The following CLCN4 variants were observed in gnomAD, a reference collection of about 807,000 sequenced individuals.
CLCN4 encodes the protein Cl-/H+ antiporter 4.
Under a neutral mutation model 41.7 loss-of-function variants are expected in CLCN4, and 1 was observed. That is an observed-to-expected ratio of 0.02 (90% confidence interval 0.01 to 0.11). CLCN4 has a LOEUF of 0.11. Among genes scored for constraint, CLCN4 ranks in the 10% least tolerant of loss-of-function variants. The pLI is 1.00. For missense variants in CLCN4, 287 were observed against 661.0 expected, an observed-to-expected ratio of 0.43 and a Z score of 6.20; for synonymous variants, 277 against 285.8, an observed-to-expected ratio of 0.97 and a Z score of 0.31.
chrX:10,169,520 C>T (rs5934789), intron 2 of CLCN4, among the ~76,000 whole-genome samples: 1 of 109,401 alleles, frequency 9.1e-6, no homozygotes, highest in Non-Finnish European at 1.9e-5. Flanking sequence ...AACAAACAAA[C>T]AAAACCAGTA....
Position 10,233,888 on chromosome X carries a change from G to A in CLCN4, c.*304G>A, listed in dbSNP as rs1925184534. The A allele has an allele frequency of 1.0e-5, 2 of 194,437 alleles. No individual in the cohort carries two copies. Among genetic ancestry groups the A allele is most frequent in the Non-Finnish European group, 1.9e-5 (2 of 105,749 alleles). 16.0% of individuals were successfully genotyped at this position (194,437 alleles called of 1,213,427 possible). A position where few individuals can be genotyped will look rare whatever the true frequency, so the allele number is the denominator to read the frequency against. ...GATGTGATCTGTACAAGTATGTGGA[G>A]CATGAATGCTGACTCAAGAAACTTT... On this transcript the variant is annotated 3_prime_UTR_variant, in exon 13 of 13. Transcript: ENST00000380833.
intron 2 of CLCN4, among the ~76,000 whole-genome samples, chrX:10,165,414 G>A (rs1923223082): frequency 8.9e-6 from 1 of 112,679 alleles, no homozygotes; most frequent in African/African-American, 3.2e-5. Flanking sequence ...AGGAGAGGCT[G>A]TGGGTGGGCG....
At chrX:10,181,273 C>T (rs757574150) in intron 2 of CLCN4, among the ~76,000 whole-genome samples, 15 of 109,092 alleles carry the variant, frequency 1.4e-4, no homozygotes, top group Middle Eastern at 9.3e-3. Flanking sequence ...GCAGGAGGAT[C>T]GCTTGAGTCT....
rs1233537159 is a variant in CLCN4 at position 10,158,370 on chromosome X, G to C, written c.-193G>C. On this transcript the variant is annotated 5_prime_UTR_variant, in exon 2 of 13. Coordinates refer to ENST00000380833, the MANE Select transcript of CLCN4 (RefSeq NM_001830.4). ...TTCTGGCCATCGACCCTCACCTCCC[G>C]GGACTTCCAGGGTCTTCCCCCCACC... 1 of 294,501 alleles carries C rather than the reference G, an allele frequency of 3.4e-6. No homozygotes were observed. The highest frequency in any genetic ancestry group is 5.9e-6 in the Non-Finnish European group (1 of 168,488). The allele number at this position is 294,501 out of a possible 1,213,427, so 24.3% of individuals were successfully genotyped here.
intron 4 of CLCN4, among the ~76,000 whole-genome samples, chrX:10,188,106 A>G (rs781115016): frequency 9.0e-6 from 1 of 111,363 alleles, no homozygotes; most frequent in African/African-American, 3.3e-5. Flanking sequence ...TTTCATAGAG[A>G]TGGGGTCTCA....
At chrX:10,164,934 G>A (rs759546119) in intron 2 of CLCN4, among the ~76,000 whole-genome samples, 1 of 112,437 alleles carries the variant, frequency 8.9e-6, no homozygotes, top group Admixed American at 9.3e-5. Flanking sequence ...CAGCTTGCTT[G>A]CTGTCCTCGG....
chrX:10,212,762 GGGTTGTGTGGCTATAACA>G, intron 10 of CLCN4, 109 bp downstream of exon 10: 1 of 735,812 alleles, frequency 1.4e-6, no homozygotes, highest in Non-Finnish European at 2.0e-6. Flanking sequence ...AGGATAGGCT[GGGTTGTGTGGCTATAACA>G]AGTAAACCCC....
intron 2 of CLCN4, among the ~76,000 whole-genome samples, chrX:10,168,875 G>C (rs915725722): frequency 1.8e-5 from 2 of 110,359 alleles, no homozygotes; most frequent in Non-Finnish European, 3.8e-5. Context: ...GCTTTTCTTT[G>C]TGTCTTTCTT....
chrX:10,222,628 G>A (rs2283704), intron 12 of CLCN4, among the ~76,000 whole-genome samples: 24,065 of 110,463 alleles, frequency 0.22, 2,221 homozygotes, highest in African/African-American at 0.36. Flanking sequence ...TAAACATCCT[G>A]CAGTGAACAG....
At chrX:10,175,958 C>G in intron 2 of CLCN4, among the ~76,000 whole-genome samples, 3 of 67,751 alleles carry the variant, frequency 4.4e-5, no homozygotes, top group Non-Finnish European at 7.7e-5. Flanking sequence ...CTCTCTCTCT[C>G]TCTCTCTCTC....
intron 2 of CLCN4, among the ~76,000 whole-genome samples, chrX:10,162,732 A>T (rs1340376166): frequency 8.9e-6 from 1 of 112,686 alleles, no homozygotes; most frequent in Non-Finnish European, 1.9e-5. Flanking sequence ...AACTTAGAAA[A>T]AGGCAAATAA....
At chrX:10,158,847 A>T (rs181284329) in intron 2 of CLCN4, among the ~76,000 whole-genome samples, 223 of 113,114 alleles carry the variant, frequency 2.0e-3, no homozygotes, top group Non-Finnish European at 3.1e-3. Context: ...CCGGCGGGGG[A>T]ACAAAATCTG....
chrX:10,175,404 G>A (rs5934796), intron 2 of CLCN4, among the ~76,000 whole-genome samples: 53,848 of 109,450 alleles, frequency 0.49, 10,101 homozygotes, highest in East Asian at 0.95. Flanking sequence ...TTGCAGTGAA[G>A]CCCCCTCTGA....
At chrX:10,173,334 C>T (rs895730844) in intron 2 of CLCN4, among the ~76,000 whole-genome samples, 1 of 111,452 alleles carries the variant, frequency 9.0e-6, no homozygotes, top group Non-Finnish European at 1.9e-5. Context: ...CACCCGAGGC[C>T]GCACATTGGC....
chrX:10,173,900 C>G (rs1004672284), intron 2 of CLCN4, among the ~76,000 whole-genome samples: 2 of 112,310 alleles, frequency 1.8e-5, no homozygotes, highest in African/African-American at 6.5e-5. Flanking sequence ...TGTTTGTTTT[C>G]TAGCTGTCTC....
intron 11 of CLCN4, among the ~76,000 whole-genome samples, chrX:10,215,624 T>C (rs1014368695): frequency 5.1e-4 from 57 of 111,780 alleles, no homozygotes; most frequent in African/African-American, 1.7e-3. Flanking sequence ...TTCCCTAGGA[T>C]CTTTTAAGCA....
intron 7 of CLCN4, 53 bp downstream of exon 7, chrX:10,206,617 C>T (rs968698409): frequency 2.9e-5 from 34 of 1,191,621 alleles, no homozygotes; most frequent in South Asian, 1.4e-4. Context: ...AAAGCCCCCT[C>T]CTGCTGTCTG....
intron 4 of CLCN4, among the ~76,000 whole-genome samples, chrX:10,192,725 A>C (rs1923999704): frequency 8.9e-6 from 1 of 112,329 alleles, no homozygotes; most frequent in Admixed American, 9.4e-5. Context: ...TGGAGAGGCC[A>C]TGAATGGGGC....
chrX:10,165,236 A>G (rs1198693724), intron 2 of CLCN4, among the ~76,000 whole-genome samples: 2 of 112,918 alleles, frequency 1.8e-5, no homozygotes, highest in Non-Finnish European at 3.8e-5. Context: ...CTCGTATTCA[A>G]CAGAGAGCCT....
Sources: gnomAD v4.1 joint callset for allele counts (sites outside exome capture counted in the v4.1 genomes callset) on GRCh38, gnomAD v4.1.1 for gene constraint, MANE v1.5 for transcripts, NCBI Gene and HGNC (gene_info 2026-07-23, HGNC 2026-07-21) for gene names.